RIMS2: variants seen among roughly 807,000 people sequenced by gnomAD.
RIMS2 encodes regulating synaptic membrane exocytosis 2.
A neutral mutation model predicts 174.4 loss-of-function variants in RIMS2; 59 were observed. That is an observed-to-expected ratio of 0.34 (90% CI 0.27 to 0.42). RIMS2 has a LOEUF of 0.42. Among genes scored for constraint, RIMS2 ranks in the 10% least tolerant of loss-of-function variants. RIMS2 has a pLI of 1.00. For missense variants in RIMS2, 1,620 were observed against 1,666.3 expected (o/e 0.97, Z 0.48); for synonymous variants, 606 against 572.5 (o/e 1.06, Z -0.84).
chr8:103,707,774 T>C (rs1037756133), intron 2 of RIMS2, among the ~76,000 whole-genome samples: 3 of 152,214 alleles, frequency 2.0e-5, no homozygotes, highest in Non-Finnish European at 2.9e-5. Context: ...ATTGCCTGAC[T>C]GCAACTGATG....
chr8:103,705,626 T>C (rs1423871894), intron 2 of RIMS2, among the ~76,000 whole-genome samples: 1 of 152,078 alleles, frequency 6.6e-6, no homozygotes, highest in Admixed American at 6.6e-5. Flanking sequence ...ATATTTGGGT[T>C]CTATGACATT....
At chr8:104,141,301 T>G (rs2098568296) in intron 19 of RIMS2, among the ~76,000 whole-genome samples, 1 of 152,160 alleles carries the variant, frequency 6.6e-6, no homozygotes, top group Non-Finnish European at 1.5e-5. Context: ...AATAATTTGG[T>G]AGAGAATTTA....
At chr8:104,055,056 G>A (rs533595601) in intron 19 of RIMS2, among the ~76,000 whole-genome samples, 7 of 151,946 alleles carry the variant, frequency 4.6e-5, no homozygotes, top group Non-Finnish European at 8.8e-5. Context: ...TAAGGTTTGG[G>A]GGGCATGATC....
Position 104,138,682 on chromosome 8 carries a change from C to T in RIMS2, c.3335-106234C>T, listed in dbSNP as rs568281097. 1.1e-4 allele frequency among the ~76,000 whole-genome samples: 16 copies of T among 152,144 alleles called. No homozygotes were observed. In the East Asian group the frequency reaches 3.1e-3, roughly 29 times the overall value. On this transcript the variant is annotated intron_variant, in intron 19 of 23. Transcript: ENST00000504942. The stretch of plus-strand genomic sequence containing the variant: ...TTCTGGTTATTAATCCCTTGTCAGA[C>T]GGGTAGTTTGCAAATATTTTCTCCT...
chr8:103,882,753 C>CTAAT (rs2099174064), intron 3 of RIMS2, among the ~76,000 whole-genome samples: 1 of 151,444 alleles, frequency 6.6e-6, no homozygotes, highest in South Asian at 2.1e-4. Flanking sequence ...TTGCTAGTGA[C>CTAAT]TAATTATTAA....
intron 19 of RIMS2, among the ~76,000 whole-genome samples, chr8:104,065,039 G>A (rs541867180): frequency 3.7e-4 from 56 of 151,850 alleles, no homozygotes; most frequent in African/African-American, 1.2e-3. Flanking sequence ...CCTATAAACC[G>A]TCATTTTTCA....
At chr8:103,960,828 T>C (rs2089776609) in intron 14 of RIMS2, among the ~76,000 whole-genome samples, 1 of 152,188 alleles carries the variant, frequency 6.6e-6, no homozygotes, top group Admixed American at 6.5e-5. Flanking sequence ...AACTTTATCT[T>C]ATACATCTGC....
chr8:103,814,765 G>C (rs1171802563), intron 3 of RIMS2, among the ~76,000 whole-genome samples: 1 of 152,110 alleles, frequency 6.6e-6, no homozygotes, highest in Non-Finnish European at 1.5e-5. Flanking sequence ...TATAGTCCTA[G>C]CTACATGGGA....
chr8:103,779,762 G>A (rs2098364783), intron 3 of RIMS2, among the ~76,000 whole-genome samples: 1 of 110,104 alleles, frequency 9.1e-6, no homozygotes, highest in Non-Finnish European at 1.8e-5. Context: ...ATGGGGTGGG[G>A]GGAGGGGGGA....
intron 3 of RIMS2, chr8:103,819,326 TAGA>T (rs2098736925): frequency 6.9e-7 from 1 of 1,441,266 alleles, no homozygotes; most frequent in Admixed American, 2.8e-5. Flanking sequence ...ACGACTGAAT[TAGA>T]AGAATAATGA....
intron 19 of RIMS2, among the ~76,000 whole-genome samples, chr8:104,091,791 A>G (rs1438930877): frequency 6.6e-6 from 1 of 151,592 alleles, no homozygotes; most frequent in Non-Finnish European, 1.5e-5. Context: ...GAAAAATAAT[A>G]TTATGATCTA....
chr8:104,223,813 G>A, intron 19 of RIMS2: 9 of 1,585,948 alleles, frequency 5.7e-6, no homozygotes, highest in Non-Finnish European at 7.7e-6. Flanking sequence ...CCCTTCCCCC[G>A]TAGTTGGTGT....
At chr8:103,733,687 C>A (rs557717173) in intron 2 of RIMS2, among the ~76,000 whole-genome samples, 1 of 152,168 alleles carries the variant, frequency 6.6e-6, no homozygotes, top group Non-Finnish European at 1.5e-5. Context: ...CTTTCCACTT[C>A]ATCAGGTCAG....
intron 17 of RIMS2, among the ~76,000 whole-genome samples, chr8:104,005,829 G>C (rs903447928): frequency 6.6e-6 from 1 of 152,012 alleles, no homozygotes; most frequent in Non-Finnish European, 1.5e-5. Context: ...GTCAAGATGG[G>C]TAACATAACT....
chr8:103,928,618 A>C (rs2079247717), intron 11 of RIMS2, among the ~76,000 whole-genome samples: 1 of 151,182 alleles, frequency 6.6e-6, no homozygotes, highest in African/African-American at 2.4e-5. Flanking sequence ...TTTTTAAAAA[A>C]TTTGTTGCTT....
chr8:103,580,794 C>T (rs1375671124), intron 1 of RIMS2, among the ~76,000 whole-genome samples: 2 of 151,276 alleles, frequency 1.3e-5, no homozygotes, highest in East Asian at 3.9e-4. Flanking sequence ...TCTACTCAAA[C>T]TCCTCAAAGA....
At chr8:103,559,445 A>G (rs562438041) in intron 1 of RIMS2, 12 of 347,376 alleles carry the variant, frequency 3.5e-5, no homozygotes, top group South Asian at 2.1e-4. Context: ...GAGAGAGTTC[A>G]GGGACTCTGG....
chr8:104,023,104 C>T (rs551190649), intron 19 of RIMS2, among the ~76,000 whole-genome samples: 1 of 151,970 alleles, frequency 6.6e-6, no homozygotes, highest in Non-Finnish European at 1.5e-5. Context: ...TAAGGGAGGA[C>T]ATTGTTTTTT....
At chr8:104,192,504 G>A (rs143288043) in intron 19 of RIMS2, among the ~76,000 whole-genome samples, 1 of 152,104 alleles carries the variant, frequency 6.6e-6, no homozygotes, top group East Asian at 1.9e-4. Flanking sequence ...ACAATAAGCT[G>A]GAGATAAAAA....
Sources: allele counts gnomAD v4.1 joint callset (sites outside exome capture counted in the v4.1 genomes callset), GRCh38; gene constraint gnomAD v4.1.1; transcripts MANE v1.5; gene names NCBI Gene and HGNC (gene_info 2026-07-23, HGNC 2026-07-21).